Variants in AP3B1 observed in about 807,000 individuals in gnomAD.
AP3B1 encodes the protein AP-3 complex subunit beta-1.
AP3B1 carries 61 observed loss-of-function variants against 132.5 expected under a neutral mutation model. That is an observed-to-expected ratio of 0.46 (90% confidence interval 0.37 to 0.57). AP3B1 has a LOEUF of 0.57. AP3B1 is among the 20% of genes least tolerant of loss of function. The pLI is 0.00. For missense variants in AP3B1, 1,120 were observed against 1,289.4 expected, an observed-to-expected ratio of 0.87 and a Z score of 2.01; for synonymous variants, 388 against 438.3, an observed-to-expected ratio of 0.89 and a Z score of 1.43.
chr5:78,120,610 T>C (rs1293570760), intron 17 of AP3B1, among the ~76,000 whole-genome samples: 13 of 151,928 alleles, frequency 8.6e-5, no homozygotes, highest in Non-Finnish European at 1.2e-4. Flanking sequence ...CATTACATAA[T>C]GGTAAAGGGA....
At chr5:78,039,791 AAGAAAAGAAAAG>A (rs1747983851) in intron 22 of AP3B1, among the ~76,000 whole-genome samples, 1 of 146,134 alleles carries the variant, frequency 6.8e-6, no homozygotes, top group African/African-American at 2.5e-5. Flanking sequence ...AAAAAAAAAA[AAGAAAAGAAAAG>A]AAAAAAAAAA....
At chr5:78,174,776 C>T (rs965630147) in intron 11 of AP3B1, among the ~76,000 whole-genome samples, 1 of 152,254 alleles carries the variant, frequency 6.6e-6, no homozygotes, top group Non-Finnish European at 1.5e-5. Context: ...GACAGGTACA[C>T]TGATGTCTGC....
At chr5:78,121,221 A>C (rs1752177336) in intron 17 of AP3B1, among the ~76,000 whole-genome samples, 1 of 152,138 alleles carries the variant, frequency 6.6e-6, no homozygotes, top group African/African-American at 2.4e-5. Flanking sequence ...TATAGCACTG[A>C]ATGCCCACAA....
chr5:78,279,337 G>A (rs1748940813), intron 1 of AP3B1, among the ~76,000 whole-genome samples: 1 of 152,100 alleles, frequency 6.6e-6, no homozygotes, highest in African/African-American at 2.4e-5. Context: ...TTATAACACT[G>A]TCTTATTTTA....
rs115315677 is a variant in AP3B1, at chr5:78,280,558, A to T, written c.129-12963T>A. Among the ~76,000 whole-genome samples, 64 of 152,334 alleles carry T rather than the reference A, an allele frequency of 4.2e-4. 1 individual carries two copies. Among genetic ancestry groups the T allele is most frequent in the African/African-American group, 1.5e-3 (63 of 41,564 alleles). ...AGAATCCGTTTGTGCATCAAGTTTG[A>T]GTATTAGTATTAGATTTTTCTCCAA... On this transcript the variant is annotated intron_variant, in intron 1 of 26. Transcript: ENST00000255194.
intron 24 of AP3B1, among the ~76,000 whole-genome samples, chr5:78,025,597 T>G (rs1366709727): frequency 6.6e-6 from 1 of 152,214 alleles, no homozygotes; most frequent in African/African-American, 2.4e-5. Flanking sequence ...TTTCTTTCCT[T>G]TTTTCTGTCT....
In AP3B1 at chr5:78,177,326, AATC is replaced by A; in HGVS notation, c.1040+10_1040+12del. 1 of 1,575,590 alleles carries A rather than the reference AATC, an allele frequency of 6.3e-7. No homozygotes were observed. Among genetic ancestry groups the A allele is most frequent in the South Asian group, 1.1e-5 (1 of 89,632 alleles). On this transcript the variant is annotated intron_variant, in intron 9 of 26. Transcript: ENST00000255194. ...AATACAAAAGAAAAAATATATATAAAATCATGACCTACCTATTGCTACGAAGTA... is the reference window on the plus strand; with the variant it reads ...AATACAAAAGAAAAAATATATATAAAATGACCTACCTATTGCTACGAAGTA...
intron 13 of AP3B1, among the ~76,000 whole-genome samples, chr5:78,160,152 C>G (rs576361658): frequency 6.6e-6 from 1 of 152,234 alleles, no homozygotes; most frequent in Non-Finnish European, 1.5e-5. Context: ...GGACTATTAG[C>G]TCTATAAAGA....
intron 22 of AP3B1, among the ~76,000 whole-genome samples, chr5:78,085,412 C>T (rs1472852176): frequency 3.3e-5 from 5 of 152,148 alleles, no homozygotes; most frequent in South Asian, 4.2e-4. Context: ...GTAGAATATA[C>T]ATAAAGTACA....
At chr5:78,015,742 T>G (rs997702519) in intron 25 of AP3B1, 194 bp from the exon 26 acceptor site, 1 of 556,246 alleles carries the variant, frequency 1.8e-6, no homozygotes, top group Admixed American at 3.2e-5. Context: ...CCTCATTGTA[T>G]AGGAAAATGT....
At chr5:78,122,477 T>C (rs1170267194) in intron 17 of AP3B1, among the ~76,000 whole-genome samples, 2 of 152,242 alleles carry the variant, frequency 1.3e-5, no homozygotes, top group African/African-American at 4.8e-5. Context: ...CTCCTTAAGC[T>C]GATAAGCAAC....
chr5:78,258,351 T>C (rs1419872637), intron 2 of AP3B1, among the ~76,000 whole-genome samples: 3 of 152,186 alleles, frequency 2.0e-5, no homozygotes, highest in East Asian at 1.9e-4. Flanking sequence ...CAAGATTTGA[T>C]CAAATGATAA....
chr5:78,139,043 A>G (rs1172242134), intron 15 of AP3B1, among the ~76,000 whole-genome samples: 2 of 151,784 alleles, frequency 1.3e-5, no homozygotes, highest in East Asian at 1.9e-4. Flanking sequence ...ATCAAGAAAA[A>G]AAAAAAAAAA....
chr5:78,097,089 C>A (rs1364770355), intron 21 of AP3B1, among the ~76,000 whole-genome samples: 2 of 120,128 alleles, frequency 1.7e-5, no homozygotes, highest in African/African-American at 6.7e-5. Context: ...CCCGGCCAGC[C>A]GCCCCGTCCG....
intron 22 of AP3B1, among the ~76,000 whole-genome samples, chr5:78,055,018 C>CAG (rs1748746000): frequency 2.9e-3 from 1 of 340 alleles, no homozygotes; most frequent in Admixed American, 0.012. Context: ...GACCTACAGA[C>CAG]ACACACACAC....
At chr5:78,160,901 T>C (rs1182953707) in intron 13 of AP3B1, among the ~76,000 whole-genome samples, 2 of 151,982 alleles carry the variant, frequency 1.3e-5, no homozygotes, top group African/African-American at 2.4e-5. Context: ...GTGTAGCATA[T>C]GTGATACAGA....
At chr5:78,115,325 T>G (rs530516384) in intron 18 of AP3B1, among the ~76,000 whole-genome samples, 2 of 152,178 alleles carry the variant, frequency 1.3e-5, no homozygotes, top group Non-Finnish European at 2.9e-5. Flanking sequence ...CATGTAAGAG[T>G]GACAGGCCCT....
rs573215689 is a variant in AP3B1 at position 78,097,654 on chromosome 5, TG to T, written c.2470+3298del. Among the ~76,000 whole-genome samples, 8 of 66,972 alleles carry T rather than the reference TG, an allele frequency of 1.2e-4. 1 individual carries two copies. Among genetic ancestry groups the T allele is most frequent in the Middle Eastern group, 9.6e-3 (1 of 104 alleles). 43.9% of individuals were successfully genotyped at this position (66,972 alleles called of 152,430 possible). On this transcript the variant is annotated intron_variant, in intron 21 of 26. Transcript: ENST00000255194. ...CCAGCCGCCCCGTCCGGGAGGGAGG[TG>T]GGGGGGTCAGCCCCCCGCCCGGCCA...
intron 18 of AP3B1, among the ~76,000 whole-genome samples, chr5:78,114,748 G>A (rs1246640789): frequency 6.6e-6 from 1 of 152,104 alleles, no homozygotes; most frequent in East Asian, 1.9e-4. Flanking sequence ...ACATTCTAAT[G>A]GTTAAATAAT....
Sources: allele counts gnomAD v4.1 joint callset (sites outside exome capture counted in the v4.1 genomes callset), GRCh38; gene constraint gnomAD v4.1.1; transcripts MANE v1.5; gene names NCBI Gene and HGNC (gene_info 2026-07-23, HGNC 2026-07-21).